The following GON4L variants were observed in gnomAD, a reference collection of about 807,000 sequenced individuals.
GON4L encodes the protein gon-4 like, also known as GON-4-like protein.
GON4L carries 87 observed loss-of-function variants against 211.8 expected under a neutral mutation model. That is an observed-to-expected ratio of 0.41 (90% CI 0.35 to 0.49). The LOEUF is 0.49. GON4L is among the 20% of genes least tolerant of loss of function. The pLI is 0.15. For synonymous variants in GON4L, 875 were observed against 962.6 expected (o/e 0.91, Z 1.68); for missense variants, 2,155 against 2,659.5 (o/e 0.81, Z 4.17).
In GON4L at chr1:155,765,709, G is replaced by C; in HGVS notation, c.3764C>G (p.Ser1255Cys). ...CGGGAAAACAGTAGCAGAGAGAGGA[G>C]ATAGTTCCTGGGGCTCTAATTTGGG... ...LEPKLEPQEL[S>C]PLSATVFPKV... The change falls in exon 21 of 32, where the codon TCT (serine) becomes TGT (cysteine). Residue 1255 changes from serine (S) to cysteine (C), a missense_variant. Coordinates refer to ENST00000368331, the MANE Select transcript of GON4L (RefSeq NM_001282860.2). 1 of 1,614,222 alleles carries C rather than the reference G, an allele frequency of 6.2e-7. No homozygotes were observed. The highest frequency in any genetic ancestry group is 1.3e-5 in the African/African-American group (1 of 75,056).
At chr1:155,748,861 C>A (rs2101581188), downstream of GON4L, 1 of 1,423,126 alleles carries the variant, frequency 7.0e-7, no homozygotes. Flanking sequence ...ATTTCTCGGG[C>A]ATTCTAATGA....
chr1:155,752,563 G>A lies in GON4L; in HGVS notation c.5870C>T (p.Pro1957Leu). Residue 1957 changes from proline (P) to leucine (L), a missense_variant, in exon 30 of 32, where the codon CCA becomes CTA. Coordinates refer to ENST00000368331, the MANE Select transcript of GON4L (RefSeq NM_001282860.2). ...SAGLAVGSTL[P>L]SPREVTVTER... ...TGTAACAGTCACTTCTCGAGGGGAT[G>A]GCAAAGTGCTCCCCACTGCCAATCC... 21 of 1,594,480 alleles carry A rather than the reference G, an allele frequency of 1.3e-5. No homozygotes were observed. Among genetic ancestry groups the A allele is most frequent in the Admixed American group, 1.8e-5 (1 of 55,766 alleles).
chr1:155,749,249 T>TC (rs1660376968), downstream of GON4L: 1 of 1,556,048 alleles, frequency 6.4e-7, no homozygotes, highest in Admixed American at 1.9e-5. Context: ...CAAAACTCTG[T>TC]CTCAAAAAGA....
chr1:155,852,162 C>CA (rs150456648), intron 2 of GON4L, among the ~76,000 whole-genome samples: 71 of 77,796 alleles, frequency 9.1e-4, no homozygotes, highest in African/African-American at 2.2e-3. Context: ...GAGACTGTCA[C>CA]AAAAAAAAAA....
chr1:155,750,383 T>A lies in GON4L; in HGVS notation c.*201A>T. 1.6e-6 allele frequency: 1 copy of A among 635,188 alleles called. No homozygotes were observed. Among genetic ancestry groups the A allele is most frequent in the Admixed American group, 2.9e-5 (1 of 34,448 alleles). 39.3% of individuals were successfully genotyped at this position (635,188 alleles called of 1,614,324 possible). ...TTTACAGAGGACATCTGTAAAGTCT[T>A]CATAAAAGACCTTGAATGATGCCTA... is the stretch of plus-strand genomic sequence containing the variant. On this transcript the variant is annotated 3_prime_UTR_variant, in exon 32 of 32. Coordinates refer to ENST00000368331, the MANE Select transcript of GON4L (RefSeq NM_001282860.2).
intron 2 of GON4L, among the ~76,000 whole-genome samples, chr1:155,831,282 C>T (rs1281361021): frequency 1.3e-4 from 19 of 151,976 alleles, no homozygotes; most frequent in Admixed American, 1.2e-3. Flanking sequence ...CTAGGTAACA[C>T]GGTGGGACCC....
Position 155,762,290 on chromosome 1 carries a change from T to A in GON4L, c.4811A>T (p.Asp1604Val). ...ATACAGCAACAGCAGCTTGGAGGTG[T>A]CCTTGCTGGCCCGAGCCCGACTTCC... ...KRGSRARASK[D>V]TSKLLLLYDE... The change falls in exon 23 of 32, where the codon GAC (aspartate) becomes GTC (valine). Residue 1604 changes from aspartate (D) to valine (V), a missense_variant. Around this residue, in one of 6 missense-constraint regions of GON4L, gnomAD observed 455 missense variants for 504.6 expected, o/e 0.90. Coordinates refer to ENST00000368331, the MANE Select transcript of GON4L (RefSeq NM_001282860.2). 9.3e-6 allele frequency: 15 copies of A among 1,613,624 alleles called. No homozygotes were observed. The highest frequency in any genetic ancestry group is 1.2e-5 in the Non-Finnish European group (14 of 1,179,732).
At chr1:155,773,592 A>G (rs1426008196) in intron 17 of GON4L, among the ~76,000 whole-genome samples, 1 of 152,218 alleles carries the variant, frequency 6.6e-6, no homozygotes, top group Non-Finnish European at 1.5e-5. Flanking sequence ...TTCTTCCAGA[A>G]TAAGATTCCA....
chr1:155,809,123 A>C (rs1667443836), intron 10 of GON4L, among the ~76,000 whole-genome samples: 2 of 152,054 alleles, frequency 1.3e-5, no homozygotes, highest in African/African-American at 4.8e-5. Flanking sequence ...TATATTGCCT[A>C]GGCTGGTCTC....
intron 2 of GON4L, among the ~76,000 whole-genome samples, chr1:155,848,724 AGAGATT>A (rs1427294469): frequency 6.6e-6 from 1 of 152,216 alleles, no homozygotes; most frequent in Non-Finnish European, 1.5e-5. Flanking sequence ...TCACACAGAT[AGAGATT>A]ATGTTTTAAA....
intron 10 of GON4L, among the ~76,000 whole-genome samples, chr1:155,811,496 C>T (rs1667769144): frequency 6.7e-6 from 1 of 149,772 alleles, no homozygotes; most frequent in Admixed American, 6.7e-5. Context: ...TGGCTCACGT[C>T]TGTAATCCCA....
intron 14 of GON4L, among the ~76,000 whole-genome samples, chr1:155,782,036 G>A (rs1036997174): frequency 6.6e-6 from 1 of 152,236 alleles, no homozygotes; most frequent in Non-Finnish European, 1.5e-5. Flanking sequence ...GATTACAGGT[G>A]TGAGTCACCA....
intron 14 of GON4L, among the ~76,000 whole-genome samples, chr1:155,780,918 T>C (rs1336225727): frequency 6.6e-6 from 1 of 152,086 alleles, no homozygotes; most frequent in Non-Finnish European, 1.5e-5. Flanking sequence ...ATTTATCTAT[T>C]GGGGATAAAA....
At chr1:155,781,444 TCTATAA>T (rs1287866773) in intron 14 of GON4L, among the ~76,000 whole-genome samples, 1 of 60,848 alleles carries the variant, frequency 1.6e-5, no homozygotes, top group Admixed American at 2.6e-4. Context: ...CCACGCCTGA[TCTATAA>T]TTATTATTAT....
At chr1:155,826,800 G>T in intron 3 of GON4L, 37 bp downstream of exon 3, 1 of 1,303,582 alleles carries the variant, frequency 7.7e-7, no homozygotes, top group Non-Finnish European at 1.1e-6. Flanking sequence ...CTTCAATAAA[G>T]AGGTTTCATT....
In GON4L at chr1:155,812,558, A is replaced by AT. The variant is rs763363461; in HGVS notation, c.1452+1075dup. ...TATTATGTAATATTACTGTATCCTG[A>AT]TTTTTTTTTTTTTTTGGGACAGAGT... On this transcript the variant is annotated intron_variant, in intron 10 of 31. Coordinates refer to ENST00000368331, the MANE Select transcript of GON4L (RefSeq NM_001282860.2). Among the ~76,000 whole-genome samples, 394 of 144,774 alleles carry AT rather than the reference A, an allele frequency of 2.7e-3. 3 individuals carry two copies. Among genetic ancestry groups the AT allele is most frequent in the Middle Eastern group, 0.011 (3 of 282 alleles). 95.0% of individuals were successfully genotyped at this position (144,774 alleles called of 152,430 possible).
intron 27 of GON4L, among the ~76,000 whole-genome samples, chr1:155,755,455 C>A (rs1188387629): frequency 1.3e-5 from 2 of 152,058 alleles, no homozygotes; most frequent in Non-Finnish European, 2.9e-5. Context: ...AAGTGATCCA[C>A]CCACCTCGAC....
chr1:155,762,435 C>T (rs1661912302), intron 22 of GON4L, 61 bp from the exon 23 acceptor site: 1 of 1,303,814 alleles, frequency 7.7e-7, no homozygotes, highest in African/African-American at 1.5e-5. Context: ...CTTCCCATTC[C>T]ACCACATGCA....
At chr1:155,822,740 C>T (rs145795968) in intron 3 of GON4L, among the ~76,000 whole-genome samples, 164 of 152,252 alleles carry the variant, frequency 1.1e-3, no homozygotes, top group African/African-American at 3.8e-3. Context: ...TTTGGGGTGA[C>T]AGAAATGTTC....
Sources: gnomAD v4.1 joint callset for allele counts (sites outside exome capture counted in the v4.1 genomes callset) on GRCh38, gnomAD v4.1.1 for gene constraint, gnomAD v4.1.1 regional missense constraint, MANE v1.5 for transcripts, NCBI Gene and HGNC (gene_info 2026-07-23, HGNC 2026-07-21) for gene names.